Variants in NAV3 observed in about 807,000 individuals in gnomAD.
The protein encoded by NAV3 is pore membrane and/or filament interacting like protein 1.
In NAV3, 87 loss-of-function variants were observed where a neutral mutation model predicts 244.7. The observed-to-expected ratio is 0.36, with a 90% CI of 0.30 to 0.42. The LOEUF (loss-of-function observed/expected upper bound fraction) is 0.42, where lower values mean the gene tolerates loss of function less well. NAV3 is among the 20% of genes least tolerant of loss of function. The probability of loss-of-function intolerance (pLI) is 1.00; values close to 1 mark genes in which losing one functional copy is unlikely to be tolerated. For missense variants in NAV3, 2,663 were observed against 2,893.3 expected, an observed-to-expected ratio of 0.92 and a Z score of 1.83; for synonymous variants, 1,126 against 1,042.2, an observed-to-expected ratio of 1.08 and a Z score of -1.55.
At chr12:77,940,167 T>C in intron 1 of NAV3, 152 bp from the exon 2 acceptor site, 2 of 614,930 alleles carry the variant, frequency 3.3e-6, no homozygotes, top group South Asian at 2.2e-5. Context: ...GTTTAAAAAT[T>C]ACTTTACAAC....
At chr12:78,015,882 G>A (rs2369944) in intron 8 of NAV3, among the ~76,000 whole-genome samples, 70,502 of 151,894 alleles carry the variant, frequency 0.46, 17,149 homozygotes, top group Non-Finnish European at 0.53. Flanking sequence ...AGAAAGAGAT[G>A]TATTTTCTCC....
intron 2 of NAV3, among the ~76,000 whole-genome samples, chr12:77,617,047 A>G (rs1871169031): frequency 6.6e-6 from 1 of 152,162 alleles, no homozygotes; most frequent in African/African-American, 2.4e-5. Flanking sequence ...TCCCGAGCAC[A>G]TCTTTTGTGA....
Position 77,645,123 on chromosome 12 carries a change from C to T in NAV3, c.72+72857C>T, listed in dbSNP as rs146576006. On this transcript the variant is annotated intron_variant, in intron 2 of 8. Transcript: ENST00000550042. Reference sequence around the variant, plus strand: ...CATGTTTTCTGGGATCTCAGCTTCTCAGCTGGCCATCTACCCACAAAGGCC... The same window carrying T: ...CATGTTTTCTGGGATCTCAGCTTCTTAGCTGGCCATCTACCCACAAAGGCC... Among the ~76,000 whole-genome samples, 869 of 152,176 alleles carry T rather than the reference C, an allele frequency of 5.7e-3. 14 individuals carry two copies. The highest frequency in any genetic ancestry group is 0.025 in the South Asian group (119 of 4,806).
Position 78,038,815 on chromosome 12 carries a change from G to C in NAV3, c.2024-11178G>C, listed in dbSNP as rs138709768. ...CTTTTGAAGTGGTATTATTTATCTT[G>C]TTCTCAGTATCTCTTAAGTATTTAC... On this transcript the variant is annotated intron_variant, in intron 9 of 39. Transcript: ENST00000397909. 2.3e-3 allele frequency among the ~76,000 whole-genome samples: 356 copies of C among 152,176 alleles called. 4 individuals are homozygous for C. The highest frequency in any genetic ancestry group is 8.3e-3 in the African/African-American group (345 of 41,532).
chr12:78,117,689 T>G (rs1250752951), intron 13 of NAV3, among the ~76,000 whole-genome samples: 48 of 151,984 alleles, frequency 3.2e-4, no homozygotes, highest in Admixed American at 3.2e-3. Flanking sequence ...ATCTCTGAAA[T>G]ATATCACTGG....
chr12:77,586,518 G>A (rs1869621372), intron 2 of NAV3, among the ~76,000 whole-genome samples: 1 of 152,156 alleles, frequency 6.6e-6, no homozygotes, highest in Admixed American at 6.5e-5. Flanking sequence ...CTAATAGAAT[G>A]TTGATTAACT....
chr12:77,595,753 T>A (rs1870139320), intron 2 of NAV3, among the ~76,000 whole-genome samples: 3 of 152,178 alleles, frequency 2.0e-5, no homozygotes. Context: ...AGCAAATACC[T>A]TCATAATTTA....
At position 78,200,638 on chromosome 12, in the gene NAV3, CA is replaced by C. The variant is rs375822080; in HGVS notation, c.6834+55del. ...GCTATTTTTTTTTAAAAAAAAAAAG[CA>C]AAAAAAATTACTTTAAAAGCAAAAA... On this transcript the variant is annotated intron_variant, in intron 38 of 39. Coordinates refer to ENST00000397909, the MANE Select transcript of NAV3 (RefSeq NM_001024383.2). The C allele has an allele frequency of 3.0e-4, 308 of 1,014,026 alleles. 2 individuals carry two copies. Among genetic ancestry groups the C allele is most frequent in the African/African-American group, 2.1e-3 (123 of 57,752 alleles). The allele number at this position is 1,014,026 out of a possible 1,614,324, so 62.8% of individuals were successfully genotyped here.
At chr12:77,696,352 G>C (rs1042706280) in intron 2 of NAV3, among the ~76,000 whole-genome samples, 1 of 152,122 alleles carries the variant, frequency 6.6e-6, no homozygotes, top group African/African-American at 2.4e-5. Context: ...TGCTATGTTG[G>C]AGAGACTCAT....
intron 5 of NAV3, among the ~76,000 whole-genome samples, chr12:77,972,756 A>G (rs150345094): frequency 2.0e-5 from 3 of 152,312 alleles, no homozygotes; most frequent in African/African-American, 4.8e-5. Context: ...CTAAGAAACA[A>G]TGTAAAAATA....
At chr12:78,135,320 A>G (rs1956327444) in intron 18 of NAV3, among the ~76,000 whole-genome samples, 1 of 152,226 alleles carries the variant, frequency 6.6e-6, no homozygotes, top group East Asian at 1.9e-4. Flanking sequence ...TATTAACTTA[A>G]TTGAACACTC....
intron 2 of NAV3, among the ~76,000 whole-genome samples, chr12:77,622,002 A>T (rs906911289): frequency 1.3e-5 from 2 of 152,050 alleles, no homozygotes; most frequent in South Asian, 4.1e-4. Context: ...ATTTAAATTT[A>T]TGTTTTATGG....
At chr12:78,149,772 C>G (rs1400189678) in intron 22 of NAV3, among the ~76,000 whole-genome samples, 2 of 152,040 alleles carry the variant, frequency 1.3e-5, no homozygotes, top group Non-Finnish European at 2.9e-5. Flanking sequence ...GTTTTTCTAT[C>G]TCCTAGACAA....
At chr12:78,068,036 G>A (rs551404524) in intron 12 of NAV3, among the ~76,000 whole-genome samples, 1 of 152,038 alleles carries the variant, frequency 6.6e-6, no homozygotes, top group African/African-American at 2.4e-5. Context: ...AGAACGAAGA[G>A]GAGGAAGAGT....
intron 2 of NAV3, among the ~76,000 whole-genome samples, chr12:77,696,829 A>G (rs1162819858): frequency 2.0e-5 from 3 of 152,140 alleles, no homozygotes; most frequent in Non-Finnish European, 4.4e-5. Flanking sequence ...ACTAGAAGTG[A>G]TTGTGCTTCC....
chr12:77,646,484 T>G (rs1280698882), intron 2 of NAV3, among the ~76,000 whole-genome samples: 2 of 152,108 alleles, frequency 1.3e-5, no homozygotes, highest in Non-Finnish European at 2.9e-5. Context: ...TTCTTTCCCT[T>G]AAACCCAAAT....
At chr12:77,877,166 A>G (rs1355830475) in intron 1 of NAV3, among the ~76,000 whole-genome samples, 1 of 152,130 alleles carries the variant, frequency 6.6e-6, no homozygotes, top group Admixed American at 6.6e-5. Flanking sequence ...TAGGCTGTAA[A>G]AAGTTCAAAA....
rs55758208 is a variant in NAV3 at position 77,746,104 on chromosome 12, G to GAA, written c.72+173847_72+173848dup. ...AACTGTATTAAAATAGCAGTCGAAAGAAAAAAAAAATCTCTAGTATGGTTT... is the reference window on the plus strand; with the variant it reads ...AACTGTATTAAAATAGCAGTCGAAAGAAAAAAAAAAAATCTCTAGTATGGTTT... On this transcript the variant is annotated intron_variant, in intron 2 of 8. Transcript: ENST00000550042. Among the ~76,000 whole-genome samples, 185 of 148,740 alleles carry GAA rather than the reference G, an allele frequency of 1.2e-3. No individual in the cohort carries two copies. The Middle Eastern group carries it at 0.017, about 14-fold the overall frequency.
At chr12:77,851,534 A>T (rs1157586220) in intron 1 of NAV3, among the ~76,000 whole-genome samples, 3 of 65,948 alleles carry the variant, frequency 4.5e-5, no homozygotes, top group African/African-American at 9.7e-5. Flanking sequence ...ACTTAAAAAT[A>T]TTTTCAATAA....
Sources: allele counts gnomAD v4.1 joint callset (sites outside exome capture counted in the v4.1 genomes callset), GRCh38; gene constraint gnomAD v4.1.1; transcripts MANE v1.5; gene names NCBI Gene and HGNC (gene_info 2026-07-23, HGNC 2026-07-21).